The following NEK1 variants were observed in gnomAD, a reference collection of about 807,000 sequenced individuals.
The protein encoded by NEK1 is NIMA related kinase 1, also known as serine/threonine-protein kinase Nek1.
A neutral mutation model predicts 182.1 loss-of-function variants in NEK1; 137 were observed. That is an observed-to-expected ratio of 0.75 (90% CI 0.65 to 0.87). The LOEUF is 0.87. NEK1 is among the 40% of genes least tolerant of loss of function. NEK1 has a pLI of 0.00. For synonymous variants in NEK1, 513 were observed against 492.2 expected, an observed-to-expected ratio of 1.04 and a Z score of -0.56; for missense variants, 1,391 against 1,494.4, an observed-to-expected ratio of 0.93 and a Z score of 1.14.
At chr4:169,481,993 A>T (rs901983401) in intron 23 of NEK1, among the ~76,000 whole-genome samples, 2 of 152,216 alleles carry the variant, frequency 1.3e-5, no homozygotes, top group African/African-American at 4.8e-5. Flanking sequence ...CAATGATCTT[A>T]GCTATATCTC....
At chr4:169,508,640 T>C (rs1468523006) in intron 20 of NEK1, 129 bp downstream of exon 20, 5 of 620,882 alleles carry the variant, frequency 8.1e-6, no homozygotes, top group Non-Finnish European at 1.3e-5. Context: ...GTCAAAAATA[T>C]ATTAACAGGT....
At chr4:169,409,590 G>GA (rs755567908) in intron 31 of NEK1, among the ~76,000 whole-genome samples, 1 of 152,086 alleles carries the variant, frequency 6.6e-6, no homozygotes, top group Non-Finnish European at 1.5e-5. Context: ...CTAACATGGT[G>GA]AAACTCTGTC....
intron 18 of NEK1, among the ~76,000 whole-genome samples, chr4:169,544,548 G>C (rs1441989773): frequency 6.7e-6 from 1 of 149,330 alleles, no homozygotes; most frequent in Non-Finnish European, 1.5e-5. Flanking sequence ...AATGGTACCA[G>C]CTCCTCTTTG....
intron 19 of NEK1, among the ~76,000 whole-genome samples, chr4:169,531,909 G>C (rs1757738420): frequency 6.6e-6 from 1 of 152,062 alleles, no homozygotes; most frequent in South Asian, 2.1e-4. Context: ...CAGAGAAATT[G>C]AACAAAATGT....
intron 31 of NEK1, among the ~76,000 whole-genome samples, chr4:169,416,717 C>T (rs1734604441): frequency 2.0e-5 from 3 of 152,070 alleles, no homozygotes; most frequent in Admixed American, 2.0e-4. Flanking sequence ...CCAGTCTGGG[C>T]AACATAACGA....
intron 16 of NEK1, 141 bp from the exon 17 acceptor site, chr4:169,556,236 G>A (rs1762148944): frequency 1.4e-6 from 1 of 713,850 alleles, no homozygotes; most frequent in Non-Finnish European, 2.1e-6. Flanking sequence ...CAAACATAAA[G>A]CCTAAAGCAA....
Position 169,555,816 on chromosome 4 carries a change from T to C in NEK1, c.1466A>G (p.Tyr489Cys). 6.2e-7 allele frequency: 1 copy of C among 1,613,882 alleles called. No individual in the cohort carries two copies. Among genetic ancestry groups the C allele is most frequent in the Non-Finnish European group, 8.5e-7 (1 of 1,179,820 alleles). Reference sequence around the variant, plus strand: ...AAAATGGTGATGACCTGCAGCCCCATAAGGAAATCCTGGACGAACTCCAGG... The same window carrying C: ...AAAATGGTGATGACCTGCAGCCCCACAAGGAAATCCTGGACGAACTCCAGG... ...ILPGVRPGFP[Y>C]GAAGHHHFPD... Residue 489 changes from tyrosine (Y) to cysteine (C), a missense_variant, in exon 18 of 36, where the codon TAT becomes TGT. Transcript: ENST00000507142.
intron 26 of NEK1, among the ~76,000 whole-genome samples, chr4:169,467,063 T>A (rs1745065577): frequency 6.6e-6 from 1 of 152,148 alleles, no homozygotes; most frequent in Admixed American, 6.6e-5. Flanking sequence ...GCTTTTATGA[T>A]GATCCATTTC....
At chr4:169,427,017 A>G (rs1383335562) in intron 29 of NEK1, among the ~76,000 whole-genome samples, 2 of 152,226 alleles carry the variant, frequency 1.3e-5, no homozygotes, top group Admixed American at 1.3e-4. Context: ...TAAAGACTGG[A>G]AGAATATATT....
chr4:169,482,390 C>A (rs376160729), intron 23 of NEK1, among the ~76,000 whole-genome samples: 25 of 151,652 alleles, frequency 1.6e-4, no homozygotes, highest in East Asian at 5.9e-4. Context: ...ATCCTAGGCT[C>A]AAATGATCAT....
intron 33 of NEK1, among the ~76,000 whole-genome samples, chr4:169,401,086 G>A (rs1731597333): frequency 6.6e-6 from 1 of 152,112 alleles, no homozygotes. Flanking sequence ...AAAGCACCTA[G>A]AAAGTATAAA....
At chr4:169,430,348 A>G (rs772788304) in intron 29 of NEK1, among the ~76,000 whole-genome samples, 42 of 152,142 alleles carry the variant, frequency 2.8e-4, no homozygotes, top group Middle Eastern at 3.4e-3. Flanking sequence ...ACACCTGGCT[A>G]ATTTATTTGT....
chr4:169,502,537 A>G (rs1752582774), intron 23 of NEK1, among the ~76,000 whole-genome samples: 1 of 152,096 alleles, frequency 6.6e-6, no homozygotes, highest in East Asian at 1.9e-4. Flanking sequence ...AATTTGTATG[A>G]TCAAGTGAGC....
At chr4:169,596,372 T>G (rs1304976525) in intron 5 of NEK1, among the ~76,000 whole-genome samples, 1 of 152,180 alleles carries the variant, frequency 6.6e-6, no homozygotes, top group African/African-American at 2.4e-5. Context: ...CAGATTTTAT[T>G]TTGATCAAGA....
At chr4:169,491,765 A>G (rs777289277) in intron 23 of NEK1, among the ~76,000 whole-genome samples, 1 of 152,348 alleles carries the variant, frequency 6.6e-6, no homozygotes, top group East Asian at 1.9e-4. Flanking sequence ...AATTGCTATT[A>G]TAAAGGTTAA....
intron 5 of NEK1, among the ~76,000 whole-genome samples, chr4:169,592,995 C>G (rs1287801271): frequency 6.6e-6 from 1 of 151,974 alleles, no homozygotes; most frequent in African/African-American, 2.4e-5. Context: ...ATGGAGTTTA[C>G]CAGTAGAAAT....
At chr4:169,480,472 A>G (rs553029570) in intron 23 of NEK1, among the ~76,000 whole-genome samples, 91 of 151,630 alleles carry the variant, frequency 6.0e-4, no homozygotes, top group African/African-American at 2.1e-3. Context: ...CATTATGTCT[A>G]AAAAACAATG....
chr4:169,584,350 G>A (rs1767174226), intron 10 of NEK1, among the ~76,000 whole-genome samples: 1 of 152,102 alleles, frequency 6.6e-6, no homozygotes, highest in Non-Finnish European at 1.5e-5. Context: ...GGTGGCTCAT[G>A]CCTGTAATCC....
Position 169,445,863 on chromosome 4 carries a change from T to TATATATATATATATATAC in NEK1, c.2588-7605_2588-7604insGTATATATATATATATAT, listed in dbSNP as rs1554034324. Among the ~76,000 whole-genome samples the TATATATATATATATATAC allele has an allele frequency of 2.3e-4, 30 of 130,900 alleles. 2 individuals are homozygous for TATATATATATATATATAC. The highest frequency in any genetic ancestry group is 7.6e-4 in the African/African-American group (26 of 34,044). The allele number at this position is 130,900 out of a possible 152,430, so 85.9% of individuals were successfully genotyped here. A position where few individuals can be genotyped will look rare whatever the true frequency, so the allele number is the denominator to read the frequency against. Reference sequence around the variant, plus strand: ...ACAACTATATACATATATATATATATATACACACACACACACACACACATG... The same window carrying TATATATATATATATATAC: ...ACAACTATATACATATATATATATATATATATATATATATATACATACACACACACACACACACACATG... On this transcript the variant is annotated intron_variant, in intron 27 of 35. Coordinates refer to ENST00000507142, the MANE Select transcript of NEK1 (RefSeq NM_001199397.3).
Sources: gnomAD v4.1 joint callset for allele counts (sites outside exome capture counted in the v4.1 genomes callset) on GRCh38, gnomAD v4.1.1 for gene constraint, MANE v1.5 for transcripts, NCBI Gene and HGNC (gene_info 2026-07-23, HGNC 2026-07-21) for gene names.